CSMD1: variants seen among roughly 807,000 people sequenced by gnomAD.
CSMD1 encodes CUB and Sushi multiple domains 1, also known as CUB and sushi domain-containing protein 1.
Under a neutral mutation model 417.5 loss-of-function variants are expected in CSMD1, and 213 were observed. That is an observed-to-expected ratio of 0.51 (90% CI 0.46 to 0.57). The LOEUF is 0.57. CSMD1 is among the 20% of genes least tolerant of loss of function. The pLI is 0.00. For missense variants in CSMD1, 6,923 were observed against 4,529.7 expected, an observed-to-expected ratio of 1.53 and a Z score of -15.17; for synonymous variants, 2,862 against 1,736.8, an observed-to-expected ratio of 1.65 and a Z score of -16.11.
chr8:2,980,086 C>T (rs79005881), intron 54 of CSMD1, among the ~76,000 whole-genome samples: 33 of 152,292 alleles, frequency 2.2e-4, no homozygotes, highest in East Asian at 1.5e-3. Context: ...CATAAGGAGA[C>T]GGACAGTCCC....
rs997642364 is a variant in CSMD1, at chr8:4,755,335, T to C, written c.86-117777A>G. ...GACAATCTTATGTTCACTTTTCCTT[T>C]TGGGATATTATCTTCTGCTTTGCAA... is the stretch of plus-strand genomic sequence containing the variant. On this transcript the variant is annotated intron_variant, in intron 1 of 69. Coordinates refer to ENST00000635120, the MANE Select transcript of CSMD1 (RefSeq NM_033225.6). Among the ~76,000 whole-genome samples, 10 of 152,338 alleles carry C rather than the reference T, an allele frequency of 6.6e-5. No individual in the cohort carries two copies. In the East Asian group the frequency reaches 1.7e-3, roughly 26 times the overall value.
In CSMD1 at chr8:3,307,857, T is replaced by G. The variant is rs564159048; in HGVS notation, c.3824-36A>C. ...CACAGAGAGATGGGAACGTTCAGCT[T>G]CAGGCATCACATGTTTCTATTTAGC... On this transcript the variant is annotated intron_variant, in intron 24 of 69. Transcript: ENST00000635120. 8 of 1,600,614 alleles carry G rather than the reference T, an allele frequency of 5.0e-6. No homozygotes were observed. The African/African-American group carries it at 9.4e-5, about 19-fold the overall frequency.
At chr8:3,332,584 C>G (rs1044634030) in intron 23 of CSMD1, among the ~76,000 whole-genome samples, 3 of 152,238 alleles carry the variant, frequency 2.0e-5, no homozygotes, top group African/African-American at 7.2e-5. Flanking sequence ...GAAATATTTC[C>G]TGAAACTTTA....
At chr8:3,864,954 C>T (rs1437648081) in intron 5 of CSMD1, among the ~76,000 whole-genome samples, 3 of 152,194 alleles carry the variant, frequency 2.0e-5, no homozygotes, top group Non-Finnish European at 4.4e-5. Flanking sequence ...GAACGAGCAG[C>T]TTTTCCTTCC....
At chr8:3,945,240 A>C (rs1811142675) in intron 5 of CSMD1, among the ~76,000 whole-genome samples, 1 of 152,002 alleles carries the variant, frequency 6.6e-6, no homozygotes, top group Admixed American at 6.6e-5. Context: ...TTTAGACGTG[A>C]AAAATTAATA....
chr8:3,411,194 G>T (rs1276897467), intron 12 of CSMD1, among the ~76,000 whole-genome samples: 1 of 152,162 alleles, frequency 6.6e-6, no homozygotes, highest in Non-Finnish European at 1.5e-5. Context: ...GCAGAGGCAG[G>T]TGAAAAGTGA....
At position 4,657,027 on chromosome 8, in the gene CSMD1, G is replaced by A. The variant is rs180809744; in HGVS notation, c.86-19469C>T. ...CACCGTAGGGCACGCAAAGCCACCA[G>A]GACACGCAAAAGATCACAATGGAGG... On this transcript the variant is annotated intron_variant, in intron 1 of 69. Transcript: ENST00000635120. 3.0e-3 allele frequency among the ~76,000 whole-genome samples: 461 copies of A among 152,168 alleles called. 2 individuals are homozygous for A. Among genetic ancestry groups the A allele is most frequent in the Non-Finnish European group, 4.1e-3 (278 of 68,006 alleles).
At chr8:3,809,858 G>C (rs1265058227) in intron 5 of CSMD1, among the ~76,000 whole-genome samples, 2 of 152,166 alleles carry the variant, frequency 1.3e-5, no homozygotes, top group Non-Finnish European at 2.9e-5. Flanking sequence ...AAAAACTGGT[G>C]AGAACGTCAA....
intron 10 of CSMD1, among the ~76,000 whole-genome samples, chr8:3,547,241 T>C (rs955562837): frequency 6.6e-6 from 1 of 152,242 alleles, no homozygotes; most frequent in African/African-American, 2.4e-5. Context: ...AGCAAGCCTC[T>C]TCTTGTGTTA....
chr8:3,696,630 T>C (rs1455751323), intron 7 of CSMD1, among the ~76,000 whole-genome samples: 1 of 152,192 alleles, frequency 6.6e-6, no homozygotes, highest in Non-Finnish European at 1.5e-5. Flanking sequence ...TGAAACGTCA[T>C]CATTATATAA....
intron 1 of CSMD1, among the ~76,000 whole-genome samples, chr8:4,987,670 G>A (rs1013442790): frequency 2.0e-5 from 3 of 152,144 alleles, no homozygotes; most frequent in Admixed American, 1.3e-4. Context: ...TACGGTTCCT[G>A]GGTGTGTCTA....
chr8:4,211,959 T>C (rs148077506), intron 3 of CSMD1, among the ~76,000 whole-genome samples: 17 of 152,266 alleles, frequency 1.1e-4, no homozygotes, highest in African/African-American at 4.1e-4. Flanking sequence ...ATTCCTATCT[T>C]AGAGACATTT....
chr8:4,141,648 T>A (rs111526740), intron 3 of CSMD1, among the ~76,000 whole-genome samples: 45,169 of 150,682 alleles, frequency 0.3, 8,405 homozygotes, highest in Non-Finnish European at 0.39. Flanking sequence ...ACAAGTTTTT[T>A]AAATCTCCAG....
chr8:4,979,214 A>T (rs942849152), intron 1 of CSMD1, among the ~76,000 whole-genome samples: 3 of 151,530 alleles, frequency 2.0e-5, no homozygotes, highest in South Asian at 2.1e-4. Flanking sequence ...TGAGAGTCTA[A>T]TTTTTTTTTA....
intron 3 of CSMD1, among the ~76,000 whole-genome samples, chr8:4,107,657 A>G (rs1239641273): frequency 6.6e-6 from 1 of 152,118 alleles, no homozygotes. Flanking sequence ...AGCTCATTTG[A>G]AGTACAATCC....
chr8:4,965,557 G>C (rs1809805288), intron 1 of CSMD1, among the ~76,000 whole-genome samples: 1 of 152,186 alleles, frequency 6.6e-6, no homozygotes, highest in Non-Finnish European at 1.5e-5. Context: ...ACATCTTTCA[G>C]AACCAGTTTT....
At chr8:4,689,477 G>C (rs571221077) in intron 1 of CSMD1, among the ~76,000 whole-genome samples, 25 of 152,208 alleles carry the variant, frequency 1.6e-4, no homozygotes, top group East Asian at 9.6e-4. Flanking sequence ...GGGGAAAAAA[G>C]GGTTTTCTTT....
At chr8:3,991,382 G>A (rs1434936596) in intron 5 of CSMD1, among the ~76,000 whole-genome samples, 1 of 152,150 alleles carries the variant, frequency 6.6e-6, no homozygotes, top group Non-Finnish European at 1.5e-5. Context: ...GTGCGTCACG[G>A]TTGCATATAT....
chr8:4,868,806 TATC>T (rs780671673), intron 1 of CSMD1, among the ~76,000 whole-genome samples: 1 of 151,218 alleles, frequency 6.6e-6, no homozygotes, highest in Non-Finnish European at 1.5e-5. Flanking sequence ...CTTGTAAAAA[TATC>T]ATGTGCTGTA....
Sources: allele counts gnomAD v4.1 joint callset (sites outside exome capture counted in the v4.1 genomes callset), GRCh38; gene constraint gnomAD v4.1.1; transcripts MANE v1.5; gene names NCBI Gene and HGNC (gene_info 2026-07-23, HGNC 2026-07-21).